The following PTPRD variants were observed in gnomAD, a reference collection of about 807,000 sequenced individuals.
PTPRD encodes protein tyrosine phosphatase receptor type D.
PTPRD carries 34 observed loss-of-function variants against 214.5 expected under a neutral mutation model. The observed-to-expected ratio is 0.16, with a 90% CI of 0.12 to 0.21. The LOEUF (loss-of-function observed/expected upper bound fraction) is 0.21. PTPRD is among the 10% of genes least tolerant of loss of function. The probability of loss-of-function intolerance (pLI) is 1.00; values close to 1 mark genes in which losing one functional copy is unlikely to be tolerated. For missense variants in PTPRD, 2,545 were observed against 2,398.7 expected, an observed-to-expected ratio of 1.06 and a Z score of -1.27; for synonymous variants, 1,128 against 845.7, an observed-to-expected ratio of 1.33 and a Z score of -5.79.
chr9:9,142,370 T>C (rs988344600), intron 10 of PTPRD, among the ~76,000 whole-genome samples: 1 of 152,184 alleles, frequency 6.6e-6, no homozygotes, highest in Non-Finnish European at 1.5e-5. Context: ...GGTTTTAGAA[T>C]GAGCTTGGGA....
chr9:10,260,099 A>G (rs571881821), intron 3 of PTPRD, among the ~76,000 whole-genome samples: 2 of 152,328 alleles, frequency 1.3e-5, no homozygotes, highest in African/African-American at 2.4e-5. Context: ...GGATATATTT[A>G]TACTAAAAAA....
chr9:8,952,415 A>T (rs1223392529), intron 11 of PTPRD, among the ~76,000 whole-genome samples: 1 of 152,098 alleles, frequency 6.6e-6, no homozygotes, highest in East Asian at 1.9e-4. Context: ...TTAGCAACAC[A>T]ATCTGTATGT....
intron 8 of PTPRD, among the ~76,000 whole-genome samples, chr9:9,543,985 C>T (rs2078184777): frequency 6.6e-6 from 1 of 151,614 alleles, no homozygotes; most frequent in African/African-American, 2.4e-5. Flanking sequence ...AATCCCTCCA[C>T]CTTCAATTTT....
At chr9:9,187,305 G>C (rs2099932211) in intron 9 of PTPRD, among the ~76,000 whole-genome samples, 1 of 151,902 alleles carries the variant, frequency 6.6e-6, no homozygotes, top group South Asian at 2.1e-4. Context: ...AGAATTGTTT[G>C]CACATACTTC....
At chr9:9,861,583 A>T (rs537199166) in intron 5 of PTPRD, among the ~76,000 whole-genome samples, 22 of 152,298 alleles carry the variant, frequency 1.4e-4, no homozygotes, top group African/African-American at 4.3e-4. Flanking sequence ...GCCACCGCAC[A>T]TGGCCGAAAT....
chr9:8,466,513 A>T (rs1339066603), intron 31 of PTPRD, among the ~76,000 whole-genome samples: 1 of 151,914 alleles, frequency 6.6e-6, no homozygotes, highest in Non-Finnish European at 1.5e-5. Flanking sequence ...CTCCTTCATT[A>T]CGAGAAAATC....
At chr9:9,220,319 T>TTTTTTTAA (rs1555012243) in intron 9 of PTPRD, among the ~76,000 whole-genome samples, 25 of 148,610 alleles carry the variant, frequency 1.7e-4, no homozygotes, top group Non-Finnish European at 1.5e-4. Flanking sequence ...GCTTTTTTTT[T>TTTTTTTAA]AAAAGCACTA....
intron 14 of PTPRD, among the ~76,000 whole-genome samples, chr9:8,591,247 T>C (rs897837573): frequency 2.0e-5 from 3 of 152,140 alleles, no homozygotes; most frequent in African/African-American, 7.2e-5. Flanking sequence ...TAGGGTAACA[T>C]AGTCATCACA....
chr9:9,096,716 A>G (rs1335295053), intron 10 of PTPRD, among the ~76,000 whole-genome samples: 1 of 152,222 alleles, frequency 6.6e-6, no homozygotes, highest in Non-Finnish European at 1.5e-5. Context: ...AATTGCCTTT[A>G]GAACAGTAAA....
At chr9:10,521,167 G>A (rs1439855423) in intron 2 of PTPRD, among the ~76,000 whole-genome samples, 1 of 152,046 alleles carries the variant, frequency 6.6e-6, no homozygotes, top group East Asian at 1.9e-4. Flanking sequence ...ACTCATGGGA[G>A]CAGATCACAG....
At chr9:9,152,568 G>T (rs369507659) in intron 10 of PTPRD, among the ~76,000 whole-genome samples, 267 of 152,310 alleles carry the variant, frequency 1.8e-3, no homozygotes, top group African/African-American at 6.0e-3. Context: ...AGAAAACGAA[G>T]TTGTCAACCA....
intron 3 of PTPRD, among the ~76,000 whole-genome samples, chr9:10,259,027 T>C (rs934885359): frequency 9.2e-5 from 14 of 151,494 alleles, no homozygotes; most frequent in Non-Finnish European, 5.9e-5. Flanking sequence ...TTGTTTTTTG[T>C]TTTTTTTGTT....
intron 11 of PTPRD, among the ~76,000 whole-genome samples, chr9:8,948,079 G>C (rs1441642266): frequency 2.7e-5 from 4 of 148,680 alleles, no homozygotes; most frequent in Non-Finnish European, 5.9e-5. Context: ...GAGTGCAGTG[G>C]TGTGATCTCT....
At chr9:9,991,133 C>T (rs1658139421) in intron 4 of PTPRD, among the ~76,000 whole-genome samples, 1 of 151,740 alleles carries the variant, frequency 6.6e-6, no homozygotes, top group South Asian at 2.1e-4. Context: ...GGGGTTTCAC[C>T]ATGTTGGTCA....
At chr9:9,007,757 AC>A (rs1397261682) in intron 11 of PTPRD, among the ~76,000 whole-genome samples, 1 of 117,048 alleles carries the variant, frequency 8.5e-6, no homozygotes, top group Non-Finnish European at 1.9e-5. Context: ...TGTGGTTTAC[AC>A]CCCCCAAAGG....
chr9:8,374,150 G>A (rs2082512306), intron 39 of PTPRD, among the ~76,000 whole-genome samples: 1 of 139,696 alleles, frequency 7.2e-6, no homozygotes. Flanking sequence ...GTGTGTGTGT[G>A]TGTACCGTAT....
intron 4 of PTPRD, among the ~76,000 whole-genome samples, chr9:10,011,183 G>T (rs975361247): frequency 1.3e-5 from 2 of 151,982 alleles, no homozygotes; most frequent in Admixed American, 1.3e-4. Flanking sequence ...TTCTTGGATT[G>T]GAAGGTTCAG....
chr9:10,459,514 C>A (rs1464234987), intron 2 of PTPRD, among the ~76,000 whole-genome samples: 1 of 152,174 alleles, frequency 6.6e-6, no homozygotes, highest in African/African-American at 2.4e-5. Context: ...TACACTCCCA[C>A]CAACAGTGTA....
intron 9 of PTPRD, among the ~76,000 whole-genome samples, chr9:9,396,885 T>C (rs1319196129): frequency 6.6e-6 from 1 of 152,014 alleles, no homozygotes; most frequent in African/African-American, 2.4e-5. Flanking sequence ...ACAAATATGT[T>C]GTGTTTATTC....
Sources: gnomAD v4.1 joint callset for allele counts (sites outside exome capture counted in the v4.1 genomes callset) on GRCh38, gnomAD v4.1.1 for gene constraint, MANE v1.5 for transcripts, NCBI Gene and HGNC (gene_info 2026-07-23, HGNC 2026-07-21) for gene names.